DOCK1: variants seen among roughly 807,000 people sequenced by gnomAD.
DOCK1 encodes the protein dedicator of cytokinesis 1.
Under a neutral mutation model 262.7 loss-of-function variants are expected in DOCK1, and 138 were observed. The ratio of observed to expected loss-of-function variants is 0.53; its 90% CI spans 0.46 to 0.61. The LOEUF (loss-of-function observed/expected upper bound fraction) is 0.61, where lower values mean the gene tolerates loss of function less well. DOCK1 is among the 20% of genes least tolerant of loss of function. The probability of loss-of-function intolerance (pLI) is 0.00; values close to 1 mark genes in which losing one functional copy is unlikely to be tolerated. For synonymous variants in DOCK1, 866 were observed against 867.4 expected (o/e 1.00, Z 0.03); for missense variants, 1,908 against 2,370.7 (o/e 0.80, Z 4.05).
chr10:127,260,897 A>C (rs2060026549), intron 29 of DOCK1, among the ~76,000 whole-genome samples: 1 of 97,248 alleles, frequency 1.0e-5, no homozygotes, highest in Non-Finnish European at 2.0e-5. Flanking sequence ...ACCCGTGCTC[A>C]TCTGTGTACC....
chr10:127,207,103 A>G (rs2483865), intron 27 of DOCK1, among the ~76,000 whole-genome samples: 124,231 of 152,168 alleles, frequency 0.82, 51,051 homozygotes, highest in Middle Eastern at 0.91. Context: ...CTGAACCTTT[A>G]TGGGGGAAAA....
intron 12 of DOCK1, among the ~76,000 whole-genome samples, chr10:127,017,951 G>T (rs2042132552): frequency 6.6e-6 from 1 of 152,168 alleles, no homozygotes; most frequent in African/African-American, 2.4e-5. Context: ...TGTCAGCCTT[G>T]CAGGGAGGAA....
intron 1 of DOCK1, among the ~76,000 whole-genome samples, chr10:126,960,742 A>ATG: frequency 8.0e-6 from 1 of 125,690 alleles, no homozygotes; most frequent in East Asian, 2.0e-4. Flanking sequence ...ATATATATAT[A>ATG]TATACACACA....
At chr10:126,953,360 ATTG>A (rs1216976391) in intron 1 of DOCK1, among the ~76,000 whole-genome samples, 2 of 145,206 alleles carry the variant, frequency 1.4e-5, no homozygotes, top group African/African-American at 5.2e-5. Flanking sequence ...TTGTGGTAGT[ATTG>A]TTGGTAGTAT....
chr10:127,017,500 GAC>G (rs139215919), intron 12 of DOCK1, among the ~76,000 whole-genome samples: 41 of 150,188 alleles, frequency 2.7e-4, no homozygotes, highest in Non-Finnish European at 4.4e-4. Flanking sequence ...GATACACAGA[GAC>G]ACACACAGAC....
At chr10:127,129,968 G>T (rs1239946679) in intron 27 of DOCK1, among the ~76,000 whole-genome samples, 2 of 151,860 alleles carry the variant, frequency 1.3e-5, no homozygotes, top group African/African-American at 2.4e-5. Context: ...CGATTAGGAG[G>T]TCCTGTCTCT....
intron 16 of DOCK1, 75 bp downstream of exon 16, chr10:127,026,499 AGTT>A: frequency 1.5e-6 from 2 of 1,374,594 alleles, no homozygotes; most frequent in Non-Finnish European, 1.0e-6. Flanking sequence ...GGCCACTCTC[AGTT>A]GTTCTGGAAC....
intron 23 of DOCK1, among the ~76,000 whole-genome samples, chr10:127,104,699 A>G (rs2048432539): frequency 6.6e-6 from 1 of 152,118 alleles, no homozygotes; most frequent in Non-Finnish European, 1.5e-5. Context: ...CGTGAATGTT[A>G]TTTTCCCTCT....
At chr10:126,905,592 T>C (rs2030576992) in intron 1 of DOCK1, 29 bp downstream of exon 1, 1 of 355,684 alleles carries the variant, frequency 2.8e-6, no homozygotes. Flanking sequence ...GCCGCGCCTC[T>C]CGCCCCAAGC....
At chr10:127,331,066 G>GGA (rs144521262) in intron 29 of DOCK1, among the ~76,000 whole-genome samples, 8,722 of 152,258 alleles carry the variant, frequency 0.057, 313 homozygotes, top group Non-Finnish European at 0.088. Flanking sequence ...CTGCAAAGAG[G>GGA]GAGGGGGAGT....
At chr10:127,146,162 GT>G in intron 27 of DOCK1, 1 of 394,038 alleles carries the variant, frequency 2.5e-6, no homozygotes, top group Non-Finnish European at 5.0e-6. Flanking sequence ...CCCTCATGCT[GT>G]TTTGGACATT....
intron 27 of DOCK1, among the ~76,000 whole-genome samples, chr10:127,225,532 G>T (rs2058602922): frequency 6.6e-6 from 1 of 152,178 alleles, no homozygotes; most frequent in South Asian, 2.1e-4. Flanking sequence ...GCTCCTGACT[G>T]CCAGCAACCA....
chr10:126,927,173 G>A (rs2033803998), intron 1 of DOCK1, among the ~76,000 whole-genome samples: 2 of 152,156 alleles, frequency 1.3e-5, no homozygotes, highest in Admixed American at 1.3e-4. Flanking sequence ...ACTGCCTAGA[G>A]AGTGCGGTGG....
chr10:126,969,088 G>A (rs1417620313), intron 1 of DOCK1, among the ~76,000 whole-genome samples: 1 of 152,170 alleles, frequency 6.6e-6, no homozygotes, highest in Non-Finnish European at 1.5e-5. Context: ...CCAAAAGGAA[G>A]GCCTTCACCG....
In DOCK1 at chr10:126,906,759, G is replaced by A. The variant is rs561862909; in HGVS notation, c.46+1196G>A. Among the ~76,000 whole-genome samples the A allele has an allele frequency of 2.2e-4, 33 of 152,298 alleles. No individual in the cohort carries two copies. In the South Asian group the frequency reaches 3.3e-3, roughly 15 times the overall value. ...AAGCGCCCTGGCAGCCCTTGTCCCC[G>A]GAGCGCTCTCCTTTCTGTGAACAGT... On this transcript the variant is annotated intron_variant, in intron 1 of 51. Transcript: ENST00000623213.
intron 38 of DOCK1, among the ~76,000 whole-genome samples, chr10:127,401,206 C>T (rs1215399298): frequency 6.6e-6 from 1 of 152,114 alleles, no homozygotes; most frequent in African/African-American, 2.4e-5. Flanking sequence ...AGCCCCTCCC[C>T]TAGGAACCTT....
chr10:127,134,098 A>G (rs1012350810), intron 27 of DOCK1, among the ~76,000 whole-genome samples: 3 of 152,256 alleles, frequency 2.0e-5, no homozygotes, highest in Non-Finnish European at 2.9e-5. Flanking sequence ...TACTAACACC[A>G]TGACATAGAA....
At chr10:127,396,776 T>A (rs1463232968) in intron 38 of DOCK1, among the ~76,000 whole-genome samples, 6 of 150,848 alleles carry the variant, frequency 4.0e-5, no homozygotes, top group African/African-American at 1.5e-4. Flanking sequence ...AAAAAAAATC[T>A]TCATTTTTTT....
chr10:127,341,896 A>G (rs10829779), intron 30 of DOCK1, among the ~76,000 whole-genome samples: 8,452 of 152,252 alleles, frequency 0.056, 260 homozygotes, highest in Middle Eastern at 0.082. Flanking sequence ...GGGCCCATCT[A>G]GCATACGACC....
Sources: allele counts gnomAD v4.1 joint callset (sites outside exome capture counted in the v4.1 genomes callset), GRCh38; gene constraint gnomAD v4.1.1; transcripts MANE v1.5; gene names NCBI Gene and HGNC (gene_info 2026-07-23, HGNC 2026-07-21).